EDRF1: variants seen among roughly 807,000 people sequenced by gnomAD.
EDRF1 encodes the protein erythroid differentiation-related factor 1.
EDRF1 carries 69 observed loss-of-function variants against 148.7 expected under a neutral mutation model. The observed-to-expected ratio is 0.46, with a 90% CI of 0.38 to 0.57. EDRF1 has a LOEUF of 0.57. Among genes scored for constraint, EDRF1 ranks in the 20% least tolerant of loss-of-function variants. EDRF1 has a pLI of 0.00. For missense variants in EDRF1, 1,118 were observed against 1,478.7 expected, an observed-to-expected ratio of 0.76 and a Z score of 4.00; for synonymous variants, 515 against 532.8, an observed-to-expected ratio of 0.97 and a Z score of 0.46.
chr10:125,729,094 A>C lies in EDRF1; in HGVS notation c.884A>C (p.Glu295Ala), dbSNP rs761564500. 1 of 1,565,720 alleles carries C rather than the reference A, an allele frequency of 6.4e-7. No individual in the cohort carries two copies. The highest frequency in any genetic ancestry group is 2.3e-5 in the East Asian group (1 of 43,530). Residue 295 changes from glutamate (E) to alanine (A), a missense_variant, in exon 7 of 25, where the codon GAG (glutamate) becomes GCG (alanine). Physicochemically the swap from Glu to Ala is moderately radical, Grantham distance 107. Transcript: ENST00000356792. Reference sequence around the variant, plus strand: ...CTGATTACTTTATTCAATGACGGGGAGCACAGTCAGGTATGCTTTCCATGG... The same window carrying C: ...CTGATTACTTTATTCAATGACGGGGCGCACAGTCAGGTATGCTTTCCATGG... ...QNLITLFNDG[E>A]HSQGLKNDFV...
chr10:125,728,059 G>A (rs772221099), intron 6 of EDRF1, among the ~76,000 whole-genome samples: 5 of 151,842 alleles, frequency 3.3e-5, no homozygotes, highest in Admixed American at 6.6e-5. Context: ...AAAATTAGCC[G>A]GGCATGGTGG....
intron 17 of EDRF1, chr10:125,742,579 A>G: frequency 1.0e-6 from 1 of 984,988 alleles, no homozygotes; most frequent in East Asian, 1.1e-4. Context: ...TATTTTTACT[A>G]CTCCCATCAT....
Position 125,719,721 on chromosome 10 carries a change from G to T in EDRF1, c.-87G>T. On this transcript the variant is annotated 5_prime_UTR_variant, in exon 1 of 25. Transcript: ENST00000356792. ...AGACCGGAAGTGCGGTCCGCGGAGC[G>T]TCTCTGGCGCTTACCCTGCTTTGGG... 3.0e-6 allele frequency: 3 copies of T among 998,222 alleles called. No homozygotes were observed. Among genetic ancestry groups the T allele is most frequent in the Non-Finnish European group, 4.4e-6 (3 of 685,310 alleles). The allele number at this position is 998,222 out of a possible 1,614,324, so 61.8% of individuals were successfully genotyped here.
chr10:125,736,686 C>A (rs1296444798), intron 13 of EDRF1, among the ~76,000 whole-genome samples: 1 of 152,020 alleles, frequency 6.6e-6, no homozygotes, highest in African/African-American at 2.4e-5. Flanking sequence ...CATTGGTTTG[C>A]CGTGGCCATG....
Position 125,719,911 on chromosome 10 carries a change from C to T in EDRF1, c.104C>T (p.Ala35Val). The change falls in exon 1 of 25, where the codon GCA becomes GTA. Residue 35 changes from alanine to valine, a missense_variant. Coordinates refer to ENST00000356792, the MANE Select transcript of EDRF1 (RefSeq NM_001202438.2). ...LSQGESEESS[A>V]QGSALFLGGN... Reference sequence around the variant, plus strand: ...CAGGGAGAATCCGAGGAATCTTCTGCACAGGTGAGTCCTCCGCGGAGGGGG... The same window carrying T: ...CAGGGAGAATCCGAGGAATCTTCTGTACAGGTGAGTCCTCCGCGGAGGGGG... 6.2e-7 allele frequency: 1 copy of T among 1,612,812 alleles called. No individual in the cohort carries two copies. The highest frequency in any genetic ancestry group is 1.3e-5 in the African/African-American group (1 of 75,042).
chr10:125,747,648 C>T lies in EDRF1; in HGVS notation c.2927C>T (p.Thr976Ile). 1 of 1,614,178 alleles carries T rather than the reference C, an allele frequency of 6.2e-7. No individual in the cohort carries two copies. The highest frequency in any genetic ancestry group is 8.5e-7 in the Non-Finnish European group (1 of 1,180,032). ...ELSTTYFTMA[T>I]LQQDYAPLSR... ...TCCACTACTTACTTTACTATGGCAA[C>T]TCTACAGCAAGATTATGCTCCGTTA... The change falls in exon 20 of 25, where the codon ACT becomes ATT. Residue 976 changes from threonine (T) to isoleucine (I), a missense_variant. Around this residue, in one of 3 missense-constraint regions of EDRF1, gnomAD observed 954 missense variants for 1,241.4 expected, o/e 0.77. Coordinates refer to ENST00000356792, the MANE Select transcript of EDRF1 (RefSeq NM_001202438.2).
At chr10:125,761,884 C>T (rs939498105) in intron 24 of EDRF1, among the ~76,000 whole-genome samples, 1 of 152,168 alleles carries the variant, frequency 6.6e-6, no homozygotes, top group African/African-American at 2.4e-5. Flanking sequence ...AGTGCTAATG[C>T]CTTGATTACT....
At chr10:125,733,378 G>T (rs1210412450) in intron 9 of EDRF1, 26 bp from the exon 10 acceptor site, 1 of 1,540,682 alleles carries the variant, frequency 6.5e-7, no homozygotes, top group South Asian at 1.2e-5. Flanking sequence ...CTCTTAAACT[G>T]CTTTCCATCT....
intron 2 of EDRF1, among the ~76,000 whole-genome samples, chr10:125,722,738 A>G (rs1482650246): frequency 6.6e-6 from 1 of 152,090 alleles, no homozygotes; most frequent in Non-Finnish European, 1.5e-5. Context: ...GTTTTGAACT[A>G]TTTTCCCTTG....
At chr10:125,731,849 T>G (rs1413802636) in intron 9 of EDRF1, 1 of 452,224 alleles carries the variant, frequency 2.2e-6, no homozygotes, top group East Asian at 7.0e-5. Context: ...TGCTTTACCT[T>G]ATTTGATCTT....
At chr10:125,725,150 A>T (rs1848193434) in intron 4 of EDRF1, among the ~76,000 whole-genome samples, 168 bp from the exon 5 acceptor site, 1 of 152,248 alleles carries the variant, frequency 6.6e-6, no homozygotes, top group African/African-American at 2.4e-5. Flanking sequence ...AGGAAACAAA[A>T]AACAAAAGAA....
chr10:125,751,192 G>A (rs1418567331), intron 22 of EDRF1, among the ~76,000 whole-genome samples: 2 of 152,260 alleles, frequency 1.3e-5, no homozygotes, highest in East Asian at 3.9e-4. Flanking sequence ...TCCTGCCTCG[G>A]CCTCCCAAAG....
intron 24 of EDRF1, among the ~76,000 whole-genome samples, chr10:125,759,872 G>A (rs995093168): frequency 2.7e-4 from 41 of 152,136 alleles, no homozygotes; most frequent in Non-Finnish European, 5.0e-4. Context: ...CACCACACCC[G>A]GCTAATTTTT....
chr10:125,747,677 A>G lies in EDRF1; in HGVS notation c.2956A>G (p.Arg986Gly). 1.9e-6 allele frequency: 3 copies of G among 1,614,236 alleles called. No homozygotes were observed. Among genetic ancestry groups the G allele is most frequent in the Non-Finnish European group, 2.5e-6 (3 of 1,180,032 alleles). The change falls in exon 20 of 25, where the codon AGA (arginine) becomes GGA (glycine). Residue 986 changes from arginine (R) to glycine (G), a missense_variant. Around this residue, in one of 3 missense-constraint regions of EDRF1, gnomAD observed 954 missense variants for 1,241.4 expected, o/e 0.77. Transcript: ENST00000356792. ...TLQQDYAPLS[R>G]KAQEQIEKEV... is the part of the protein sequence containing the mutation. ...ACAGCAAGATTATGCTCCGTTATCT[A>G]GAAAAGCTCAGGAGCAGGTGATAAT... is the stretch of plus-strand genomic sequence containing the variant.
chr10:125,734,635 T>C (rs1364864544), intron 12 of EDRF1, among the ~76,000 whole-genome samples: 1 of 152,120 alleles, frequency 6.6e-6, no homozygotes, highest in African/African-American at 2.4e-5. Flanking sequence ...GTTACCACTT[T>C]GTTAATATAA....
rs997403501 is a variant in EDRF1, at chr10:125,747,399, C to T, written c.2815-137C>T. ...TTCATTGACTTACTTTTTTCATTTCCTCATAATATTGTCTCTTTATAAATT... is the reference window on the plus strand; with the variant it reads ...TTCATTGACTTACTTTTTTCATTTCTTCATAATATTGTCTCTTTATAAATT... On this transcript the variant is annotated intron_variant, in intron 19 of 24. Transcript: ENST00000356792. 18 of 994,696 alleles carry T rather than the reference C, an allele frequency of 1.8e-5. No individual in the cohort carries two copies. In the Admixed American group the frequency reaches 3.7e-4, roughly 21 times the overall value. The allele number at this position is 994,696 out of a possible 1,614,324, so 61.6% of individuals were successfully genotyped here.
chr10:125,749,865 G>C (rs554576721), intron 22 of EDRF1: 44 of 374,406 alleles, frequency 1.2e-4, no homozygotes, highest in African/African-American at 8.8e-4. Context: ...AATCGGCCAG[G>C]CACAGTGGCT....
chr10:125,722,519 G>A (rs1848057313), intron 2 of EDRF1, among the ~76,000 whole-genome samples: 1 of 152,194 alleles, frequency 6.6e-6, no homozygotes, highest in Non-Finnish European at 1.5e-5. Context: ...GACTATAGAT[G>A]TGCTTCAGGT....
rs1380839165 is a variant in EDRF1, at chr10:125,729,489, C to T, written c.1016+10C>T. ...TCAGCTTACGTCTCAGGTGAACTAA[C>T]ATCATACCCCTCCTCAAGCTTATGG... On this transcript the variant is annotated intron_variant, in intron 8 of 24. Coordinates refer to ENST00000356792, the MANE Select transcript of EDRF1 (RefSeq NM_001202438.2). The T allele has an allele frequency of 3.7e-6, 6 of 1,613,990 alleles. No homozygotes were observed. The African/African-American group carries it at 4.0e-5, about 11-fold the overall frequency.
Sources: allele counts gnomAD v4.1 joint callset (sites outside exome capture counted in the v4.1 genomes callset), GRCh38; gene constraint gnomAD v4.1.1; regional missense constraint gnomAD v4.1.1; transcripts MANE v1.5; gene names NCBI Gene and HGNC (gene_info 2026-07-23, HGNC 2026-07-21).